SGCZ: variants seen among roughly 807,000 people sequenced by gnomAD.
SGCZ encodes the protein zeta-sarcoglycan.
Under a neutral mutation model 41.3 loss-of-function variants are expected in SGCZ, and 40 were observed. That is an observed-to-expected ratio of 0.97 (90% CI 0.75 to 1.26). SGCZ has a LOEUF of 1.26. Ranked by LOEUF, SGCZ falls within the 50% of genes most tolerant of loss-of-function variation. The probability of loss-of-function intolerance (pLI) is 0.00; values close to 1 mark genes in which losing one functional copy is unlikely to be tolerated. For missense variants in SGCZ, 552 were observed against 369.8 expected, an observed-to-expected ratio of 1.49 and a Z score of -4.04; for synonymous variants, 206 against 137.5, an observed-to-expected ratio of 1.50 and a Z score of -3.49.
chr8:14,312,438 A>T (rs1043654170), intron 3 of SGCZ, among the ~76,000 whole-genome samples: 1 of 152,170 alleles, frequency 6.6e-6, no homozygotes, highest in Admixed American at 6.6e-5. Context: ...GAAAGAATAT[A>T]CTAGTTGGAG....
At chr8:14,608,624 T>A (rs1206072795) in intron 1 of SGCZ, among the ~76,000 whole-genome samples, 2 of 132,272 alleles carry the variant, frequency 1.5e-5, no homozygotes, top group Non-Finnish European at 1.6e-5. Context: ...GTCTGTTGTC[T>A]TTCTCAATGG....
intron 2 of SGCZ, among the ~76,000 whole-genome samples, chr8:14,472,651 A>G (rs952704458): frequency 5.9e-5 from 9 of 152,078 alleles, no homozygotes; most frequent in African/African-American, 1.9e-4. Flanking sequence ...CTTCCATTCT[A>G]CTGGTCTCAA....
chr8:14,818,512 C>T (rs943723696), intron 1 of SGCZ, among the ~76,000 whole-genome samples: 3 of 152,068 alleles, frequency 2.0e-5, no homozygotes, highest in African/African-American at 7.2e-5. Flanking sequence ...TGTAAGGAAA[C>T]AGCAAACACG....
At chr8:14,320,388 G>C (rs1217531997) in intron 3 of SGCZ, among the ~76,000 whole-genome samples, 2 of 151,608 alleles carry the variant, frequency 1.3e-5, no homozygotes, top group African/African-American at 4.8e-5. Context: ...AATCAGGAAA[G>C]ACATTTGCTG....
chr8:14,249,191 A>G (rs1210740347), intron 3 of SGCZ, among the ~76,000 whole-genome samples: 1 of 152,180 alleles, frequency 6.6e-6, no homozygotes, highest in African/African-American at 2.4e-5. Flanking sequence ...AGAATACAAG[A>G]GAATTCACTC....
intron 3 of SGCZ, among the ~76,000 whole-genome samples, chr8:14,261,724 G>A (rs931692682): frequency 5.3e-5 from 8 of 152,084 alleles, no homozygotes; most frequent in African/African-American, 1.9e-4. Flanking sequence ...CCATTCTCAC[G>A]CTGAAGATTC....
At position 15,165,902 on chromosome 8, in the gene SGCZ, C is replaced by G. The variant is rs545768631; in HGVS notation, c.39+71683G>C. Among the ~76,000 whole-genome samples the G allele has an allele frequency of 2.6e-5, 4 of 152,250 alleles. No homozygotes were observed. The South Asian group carries it at 8.3e-4, about 32-fold the overall frequency. ...TGTAAATTGAGCACTGAAATAAAAT[C>G]ATAACAAGGTTTTCCCAAGGTGTGA... On this transcript the variant is annotated intron_variant, in intron 1 of 7. Transcript: ENST00000382080.
chr8:14,437,814 T>C (rs1380319712), intron 2 of SGCZ, among the ~76,000 whole-genome samples: 1 of 151,852 alleles, frequency 6.6e-6, no homozygotes, highest in Non-Finnish European at 1.5e-5. Flanking sequence ...ATTTCATGCA[T>C]TTAATAAAAA....
At chr8:14,587,745 C>G (rs1330393696) in intron 1 of SGCZ, among the ~76,000 whole-genome samples, 1 of 152,102 alleles carries the variant, frequency 6.6e-6, no homozygotes, top group African/African-American at 2.4e-5. Flanking sequence ...ATGTTCAATA[C>G]TAAGTGTAAT....
chr8:14,815,404 T>C (rs1441788965), intron 1 of SGCZ, among the ~76,000 whole-genome samples: 3 of 151,742 alleles, frequency 2.0e-5, no homozygotes, highest in Non-Finnish European at 4.4e-5. Context: ...TGCATGTGGT[T>C]CATAACTACT....
At chr8:14,179,388 C>A (rs1315081588) in intron 4 of SGCZ, among the ~76,000 whole-genome samples, 1 of 152,148 alleles carries the variant, frequency 6.6e-6, no homozygotes, top group South Asian at 2.1e-4. Flanking sequence ...ATCCCTTTAG[C>A]AGAAGATTCA....
chr8:14,521,022 A>G (rs1178680280), intron 2 of SGCZ, among the ~76,000 whole-genome samples: 1 of 151,556 alleles, frequency 6.6e-6, no homozygotes, highest in Non-Finnish European at 1.5e-5. Flanking sequence ...TTAGATTCCC[A>G]TGCAGTCATA....
At chr8:14,601,974 G>A (rs1805603517) in intron 1 of SGCZ, among the ~76,000 whole-genome samples, 1 of 152,002 alleles carries the variant, frequency 6.6e-6, no homozygotes, top group South Asian at 2.1e-4. Flanking sequence ...CAAAAAATTA[G>A]CCGGGCCTGG....
intron 2 of SGCZ, among the ~76,000 whole-genome samples, chr8:14,525,109 ATGAT>A (rs1282116333): frequency 1.2e-5 from 1 of 86,240 alleles, no homozygotes; most frequent in Non-Finnish European, 3.0e-5. Flanking sequence ...ACATAGACAG[ATGAT>A]AGATAGATAG....
chr8:14,861,889 A>G (rs1157949058), intron 1 of SGCZ, among the ~76,000 whole-genome samples: 2 of 152,158 alleles, frequency 1.3e-5, no homozygotes, highest in Non-Finnish European at 2.9e-5. Context: ...TTCTCCAAAT[A>G]GGATGGAAAA....
chr8:15,204,348 AAGG>A (rs1800993157), intron 1 of SGCZ, among the ~76,000 whole-genome samples: 1 of 152,232 alleles, frequency 6.6e-6, no homozygotes, highest in Admixed American at 6.5e-5. Flanking sequence ...CCGTGTGTAG[AAGG>A]AAAGACATGA....
chr8:14,197,366 G>T (rs1221162977), intron 4 of SGCZ, among the ~76,000 whole-genome samples: 1 of 151,906 alleles, frequency 6.6e-6, no homozygotes, highest in African/African-American at 2.4e-5. Flanking sequence ...CTTCATGAAA[G>T]AAGAACATCC....
At chr8:14,332,855 A>G (rs1249775346) in intron 2 of SGCZ, among the ~76,000 whole-genome samples, 2 of 151,016 alleles carry the variant, frequency 1.3e-5, no homozygotes, top group Non-Finnish European at 3.0e-5. Context: ...GTGTATATAT[A>G]TAATGTTCTC....
chr8:14,430,663 C>T (rs940858419), intron 2 of SGCZ, among the ~76,000 whole-genome samples: 1 of 152,098 alleles, frequency 6.6e-6, no homozygotes, highest in Non-Finnish European at 1.5e-5. Flanking sequence ...CTCGCCACTC[C>T]TCTTCAACAC....
Sources: allele counts gnomAD v4.1 joint callset (sites outside exome capture counted in the v4.1 genomes callset), GRCh38; gene constraint gnomAD v4.1.1; transcripts MANE v1.5; gene names NCBI Gene and HGNC (gene_info 2026-07-23, HGNC 2026-07-21).